Variants in GRM1 observed in about 807,000 individuals in gnomAD.
GRM1 encodes the protein metabotropic glutamate receptor 1.
In GRM1, 33 loss-of-function variants were observed where a neutral mutation model predicts 90.9. The ratio of observed to expected loss-of-function variants is 0.36; its 90% CI spans 0.28 to 0.49. The LOEUF is 0.49. Ranked by LOEUF, GRM1 falls within the 20% of genes least tolerant of loss-of-function variation. The pLI, the probability that GRM1 is intolerant of heterozygous loss-of-function variation, is 0.99. For missense variants in GRM1, 1,190 were observed against 1,534.3 expected (o/e 0.78, Z 3.75); for synonymous variants, 700 against 613.2 (o/e 1.14, Z -2.09).
At chr6:146,349,090 G>A (rs1004428472) in intron 3 of GRM1, among the ~76,000 whole-genome samples, 2 of 123,496 alleles carry the variant, frequency 1.6e-5, no homozygotes, top group Non-Finnish European at 3.4e-5. Context: ...TTATTGAGAC[G>A]GAGTCTCGTT....
At chr6:146,355,059 T>G (rs1158471615) in intron 4 of GRM1, among the ~76,000 whole-genome samples, 1 of 152,228 alleles carries the variant, frequency 6.6e-6, no homozygotes, top group Non-Finnish European at 1.5e-5. Context: ...CTTTGGAAAC[T>G]GATTTAAAGG....
At chr6:146,030,251 G>C (rs1790657684) in intron 1 of GRM1, 34 bp downstream of exon 1, 5 of 1,396,686 alleles carry the variant, frequency 3.6e-6, no homozygotes, top group Non-Finnish European at 5.1e-6. Context: ...AGGGTACTGA[G>C]AAAGTCAGGG....
At chr6:146,227,390 G>T (rs1205275189) in intron 2 of GRM1, among the ~76,000 whole-genome samples, 1 of 152,012 alleles carries the variant, frequency 6.6e-6, no homozygotes. Flanking sequence ...TTACACTAGG[G>T]TTTACTCTTG....
chr6:146,303,554 C>A (rs1456353495), intron 2 of GRM1, among the ~76,000 whole-genome samples: 1 of 152,152 alleles, frequency 6.6e-6, no homozygotes, highest in Admixed American at 6.5e-5. Context: ...GACCTGACAG[C>A]CATCCCTTTA....
intron 2 of GRM1, among the ~76,000 whole-genome samples, chr6:146,291,076 G>C (rs1583282417): frequency 6.6e-6 from 1 of 152,072 alleles, no homozygotes; most frequent in Non-Finnish European, 1.5e-5. Context: ...AGTTAAGGTT[G>C]CTAATCAAAC....
chr6:146,093,128 G>T (rs1776765572), intron 1 of GRM1, among the ~76,000 whole-genome samples: 1 of 152,018 alleles, frequency 6.6e-6, no homozygotes, highest in South Asian at 2.1e-4. Flanking sequence ...CATGTATATT[G>T]CTTCAGGTTA....
chr6:146,259,607 T>C (rs1359855768), intron 2 of GRM1, among the ~76,000 whole-genome samples: 1 of 152,156 alleles, frequency 6.6e-6, no homozygotes, highest in Non-Finnish European at 1.5e-5. Flanking sequence ...TCTATGTTCA[T>C]TCATGTTGTT....
intron 2 of GRM1, among the ~76,000 whole-genome samples, chr6:146,185,941 C>CT (rs1313486740): frequency 1.3e-5 from 2 of 151,336 alleles, no homozygotes; most frequent in African/African-American, 2.4e-5. Flanking sequence ...TATAGACATA[C>CT]TTTTTTTTCT....
chr6:146,399,048 T>C lies in GRM1; in HGVS notation c.2009T>C (p.Met670Thr), dbSNP rs1346805922. Residue 670 changes from methionine to threonine, a missense_variant, in exon 7 of 8, where the codon ATG (methionine) becomes ACG (threonine). Around this residue, in one of 10 missense-constraint regions of GRM1, gnomAD observed 414 missense variants for 598.4 expected, o/e 0.69. Transcript: ENST00000282753. The surrounding 1 kb of genome is among the most constrained non-coding windows in gnomAD (Gnocchi z 5.4). The part of the protein sequence containing the change: ...QRLLVGLSSA[M>T]CYSALVTKTN... The stretch of plus-strand genomic sequence containing the variant: ...CTCTTGGTTGGCCTCTCCTCTGCGA[T>C]GTGCTACTCTGCTTTAGTGACTAAA... 3 of 1,614,168 alleles carry C rather than the reference T, an allele frequency of 1.9e-6. No homozygotes were observed. The South Asian group carries it at 3.3e-5, about 18-fold the overall frequency.
intron 7 of GRM1, among the ~76,000 whole-genome samples, chr6:146,427,299 C>A (rs1778245094): frequency 6.6e-6 from 1 of 152,078 alleles, no homozygotes; most frequent in Non-Finnish European, 1.5e-5. Context: ...CATTTTTGAC[C>A]TTTAGCTCTT....
rs2073287 is a variant in GRM1 at position 146,029,128 on chromosome 6, T to C, written c.-390T>C. 0.44 allele frequency: 140,245 copies of C among 319,312 alleles called. 31,619 individuals carry two copies. Among genetic ancestry groups the C allele is most frequent in the Middle Eastern group, 0.5 (451 of 906 alleles). 19.8% of individuals were successfully genotyped at this position (319,312 alleles called of 1,614,324 possible). On this transcript the variant is annotated 5_prime_UTR_variant, in exon 1 of 8. It removes the in-frame stop codon of an upstream open reading frame in the 5' UTR. Coordinates refer to ENST00000282753, the MANE Select transcript of GRM1 (RefSeq NM_001278064.2). ...ACGGACAAGGCAACTGTTAACATTATAGACCCCAGAGTTTTAACACAGGTC... is the reference window on the plus strand; with the variant it reads ...ACGGACAAGGCAACTGTTAACATTACAGACCCCAGAGTTTTAACACAGGTC...
intron 2 of GRM1, among the ~76,000 whole-genome samples, chr6:146,287,948 G>C (rs1002331763): frequency 6.6e-6 from 1 of 152,186 alleles, no homozygotes; most frequent in African/African-American, 2.4e-5. Context: ...ATCAATCTGT[G>C]TTGTTTTAAG....
chr6:146,392,497 T>C (rs1241411383), intron 6 of GRM1, among the ~76,000 whole-genome samples: 3 of 152,190 alleles, frequency 2.0e-5, no homozygotes, highest in African/African-American at 7.2e-5. Context: ...ATGCAGAGTA[T>C]TGTTATTGGA....
At chr6:146,244,532 A>T (rs181249497) in intron 2 of GRM1, among the ~76,000 whole-genome samples, 1 of 152,290 alleles carries the variant, frequency 6.6e-6, no homozygotes, top group African/African-American at 2.4e-5. Flanking sequence ...ACACTGTTAC[A>T]AATAAAAAGA....
Position 146,098,993 on chromosome 6 carries a change from C to T in GRM1, c.701-60355C>T, listed in dbSNP as rs142152843. ...GCAGTGTGAAAATGGACTAATACAC[C>T]ACCTATACTTTTTTCACACTTTTCA... On this transcript the variant is annotated intron_variant, in intron 1 of 7. Coordinates refer to ENST00000282753, the MANE Select transcript of GRM1 (RefSeq NM_001278064.2). Among the ~76,000 whole-genome samples, 13 of 152,168 alleles carry T rather than the reference C, an allele frequency of 8.5e-5. No individual in the cohort carries two copies. The East Asian group carries it at 2.3e-3, about 27-fold the overall frequency.
intron 2 of GRM1, among the ~76,000 whole-genome samples, chr6:146,199,213 C>G (rs1032655688): frequency 2.6e-5 from 4 of 152,200 alleles, no homozygotes; most frequent in African/African-American, 9.7e-5. Context: ...GAGGGGTTGT[C>G]TAACTGCACA....
At chr6:146,390,827 A>G (rs1191119544) in intron 6 of GRM1, among the ~76,000 whole-genome samples, 1 of 152,092 alleles carries the variant, frequency 6.6e-6, no homozygotes, top group Non-Finnish European at 1.5e-5. Flanking sequence ...ACAGCCAACT[A>G]TAAGTCCTAC....
chr6:146,321,197 AC>A (rs1784177527), intron 3 of GRM1, among the ~76,000 whole-genome samples: 1 of 152,126 alleles, frequency 6.6e-6, no homozygotes. Flanking sequence ...GTTTCAAAGA[AC>A]TTATTTATTT....
intron 1 of GRM1, among the ~76,000 whole-genome samples, chr6:146,083,811 C>T (rs186103530): frequency 3.9e-3 from 590 of 152,274 alleles, no homozygotes; most frequent in Non-Finnish European, 5.5e-3. Context: ...GGGAATGGTA[C>T]TAGCTCCACT....
Sources: gnomAD v4.1 joint callset for allele counts (sites outside exome capture counted in the v4.1 genomes callset) on GRCh38, gnomAD v4.1.1 for gene constraint, gnomAD v4.1.1 regional missense constraint, Gnocchi (gnomAD v3.1) non-coding constraint, MANE v1.5 for transcripts, NCBI Gene and HGNC (gene_info 2026-07-23, HGNC 2026-07-21) for gene names.